Variants in TPD52L1 observed in about 807,000 individuals in gnomAD.
TPD52L1 encodes tumor protein D53.
TPD52L1 carries 18 observed loss-of-function variants against 28.7 expected under a neutral mutation model. That is an observed-to-expected ratio of 0.63 (90% confidence interval 0.43 to 0.93). TPD52L1 has a LOEUF of 0.93. Among genes scored for constraint, TPD52L1 ranks in the 40% least tolerant of loss-of-function variants. TPD52L1 has a pLI of 0.00. For missense variants in TPD52L1, 203 were observed against 254.8 expected (o/e 0.80, Z 1.39); for synonymous variants, 75 against 88.8 (o/e 0.84, Z 0.88).
intron 6 of TPD52L1, 39 bp from the exon 7 acceptor site, chr6:125,262,795 T>C (rs1436735003): frequency 4.5e-6 from 7 of 1,568,228 alleles, no homozygotes; most frequent in Non-Finnish European, 6.0e-6. Context: ...AAAATGATAG[T>C]AACAACTAAC....
chr6:125,203,102 G>A (rs565946151), intron 1 of TPD52L1, among the ~76,000 whole-genome samples: 3 of 152,210 alleles, frequency 2.0e-5, no homozygotes, highest in Admixed American at 2.0e-4. Context: ...GTGTTTGTGT[G>A]GTCAGGGAGA....
chr6:125,209,559 G>A (rs530995647), intron 1 of TPD52L1, among the ~76,000 whole-genome samples: 3 of 152,290 alleles, frequency 2.0e-5, no homozygotes, highest in South Asian at 4.1e-4. Flanking sequence ...TTAATTACCA[G>A]ACCTATCTTC....
intron 1 of TPD52L1, among the ~76,000 whole-genome samples, chr6:125,168,265 G>C (rs139845874): frequency 6.6e-6 from 1 of 152,272 alleles, no homozygotes; most frequent in African/African-American, 2.4e-5. Flanking sequence ...CTCAGGAAGA[G>C]AAAGAACTTG....
intron 1 of TPD52L1, among the ~76,000 whole-genome samples, chr6:125,182,886 A>G (rs1046433588): frequency 9.9e-5 from 15 of 152,240 alleles, no homozygotes; most frequent in Admixed American, 5.2e-4. Context: ...CATATCACAT[A>G]TGAATTCACA....
At chr6:125,192,520 C>T (rs538683983) in intron 1 of TPD52L1, among the ~76,000 whole-genome samples, 1 of 152,146 alleles carries the variant, frequency 6.6e-6, no homozygotes, top group Non-Finnish European at 1.5e-5. Context: ...CCAGAGAGCC[C>T]TTGATTTTAT....
intron 3 of TPD52L1, among the ~76,000 whole-genome samples, chr6:125,240,260 TAC>T (rs1796541438): frequency 6.6e-6 from 1 of 152,214 alleles, no homozygotes; most frequent in South Asian, 2.1e-4. Flanking sequence ...GGTAATGTGA[TAC>T]CTCCAGATTT....
At chr6:125,216,040 G>T (rs549447286) in intron 1 of TPD52L1, among the ~76,000 whole-genome samples, 1 of 152,260 alleles carries the variant, frequency 6.6e-6, no homozygotes, top group East Asian at 1.9e-4. Context: ...CTGCAGGGGT[G>T]GGGTGGAGCT....
intron 1 of TPD52L1, among the ~76,000 whole-genome samples, chr6:125,158,511 A>G (rs1446622467): frequency 6.6e-6 from 1 of 152,210 alleles, no homozygotes; most frequent in Non-Finnish European, 1.5e-5. Flanking sequence ...AAGGCAGTTT[A>G]TATGGATACT....
At chr6:125,247,289 T>A (rs563439895) in intron 3 of TPD52L1, among the ~76,000 whole-genome samples, 150 of 152,298 alleles carry the variant, frequency 9.8e-4, no homozygotes, top group African/African-American at 2.2e-3. Context: ...GGGTTTTTTT[T>A]AATGTGTATA....
At chr6:125,188,486 CT>C (rs1221518035) in intron 1 of TPD52L1, among the ~76,000 whole-genome samples, 3 of 152,126 alleles carry the variant, frequency 2.0e-5, no homozygotes, top group Non-Finnish European at 4.4e-5. Context: ...GGTTTTCAGA[CT>C]TCTCAAAAAC....
Position 125,255,255 on chromosome 6 carries a change from C to T in TPD52L1, c.425+1500C>T, listed in dbSNP as rs183724883. Among the ~76,000 whole-genome samples, 497 of 152,298 alleles carry T rather than the reference C, an allele frequency of 3.3e-3. 12 individuals carry two copies. The highest frequency in any genetic ancestry group is 2.1e-3 in the Non-Finnish European group (146 of 68,026). On this transcript the variant is annotated intron_variant, in intron 5 of 6. Transcript: ENST00000534000. ...ACTAACTTAAAAAAAAATTATTTTG[C>T]TTGTCTAACATATACCCATGAACCA...
intron 1 of TPD52L1, among the ~76,000 whole-genome samples, chr6:125,219,158 C>T (rs1277188739): frequency 6.6e-6 from 1 of 152,166 alleles, no homozygotes; most frequent in Non-Finnish European, 1.5e-5. Flanking sequence ...GGAATCATGT[C>T]ATAGATGAAG....
intron 1 of TPD52L1, among the ~76,000 whole-genome samples, chr6:125,207,424 T>G (rs1794224187): frequency 6.6e-6 from 1 of 152,212 alleles, no homozygotes; most frequent in African/African-American, 2.4e-5. Flanking sequence ...ATGCCACCTA[T>G]GGAAGACGAT....
intron 4 of TPD52L1, among the ~76,000 whole-genome samples, chr6:125,249,128 A>C (rs77502903): frequency 0.015 from 2,205 of 151,032 alleles, 51 homozygotes; most frequent in African/African-American, 0.05. Context: ...TATTATATAC[A>C]ATATTATATA....
chr6:125,256,268 T>G (rs1797595668), intron 5 of TPD52L1, among the ~76,000 whole-genome samples: 1 of 152,050 alleles, frequency 6.6e-6, no homozygotes, highest in Non-Finnish European at 1.5e-5. Context: ...GAGAATCGCT[T>G]GAACCTGGGA....
At position 125,212,479 on chromosome 6, in the gene TPD52L1, A is replaced by T. The variant is rs147501660; in HGVS notation, c.20-7599A>T. ...TGTATTGTTTCAATCATGGCCATGA[A>T]GCCACCACCTACTCCACAGGAGAGC... On this transcript the variant is annotated intron_variant, in intron 1 of 6. Coordinates refer to ENST00000534000, the MANE Select transcript of TPD52L1 (RefSeq NM_003287.4). Among the ~76,000 whole-genome samples, 677 of 152,352 alleles carry T rather than the reference A, an allele frequency of 4.4e-3. 3 individuals are homozygous for T. The highest frequency in any genetic ancestry group is 6.3e-3 in the Non-Finnish European group (430 of 68,026).
intron 1 of TPD52L1, among the ~76,000 whole-genome samples, chr6:125,202,671 C>T (rs1462571158): frequency 6.6e-6 from 1 of 151,750 alleles, no homozygotes; most frequent in Non-Finnish European, 1.5e-5. Flanking sequence ...ATTTATTACC[C>T]TGGAGTTTTC....
chr6:125,225,593 A>C (rs1384831956), intron 2 of TPD52L1, among the ~76,000 whole-genome samples: 3 of 152,228 alleles, frequency 2.0e-5, no homozygotes, highest in African/African-American at 7.2e-5. Context: ...TCCTACAAGG[A>C]GATCTTCTAG....
At chr6:125,208,774 G>A (rs1794325356) in intron 1 of TPD52L1, 4 of 232,982 alleles carry the variant, frequency 1.7e-5, no homozygotes, top group Admixed American at 6.5e-5. Context: ...GACATAACCC[G>A]GGAGAAAAAG....
Sources: gnomAD v4.1 joint callset for allele counts (sites outside exome capture counted in the v4.1 genomes callset) on GRCh38, gnomAD v4.1.1 for gene constraint, MANE v1.5 for transcripts, NCBI Gene and HGNC (gene_info 2026-07-23, HGNC 2026-07-21) for gene names.